NAALADL2: variants seen among roughly 807,000 people sequenced by gnomAD.
NAALADL2 encodes the protein N-acetylated alpha-linked acidic dipeptidase like 2.
In NAALADL2, 76 loss-of-function variants were observed where a neutral mutation model predicts 87.2. That is an observed-to-expected ratio of 0.87 (90% CI 0.72 to 1.05). NAALADL2 has a LOEUF of 1.05. NAALADL2 is among the 50% of genes least tolerant of loss of function. The pLI is 0.00. For missense variants in NAALADL2, 1,089 were observed against 945.8 expected, an observed-to-expected ratio of 1.15 and a Z score of -1.99; for synonymous variants, 354 against 331.0, an observed-to-expected ratio of 1.07 and a Z score of -0.75.
At chr3:174,775,922 A>C (rs1169873305) in intron 3 of NAALADL2, among the ~76,000 whole-genome samples, 1 of 152,166 alleles carries the variant, frequency 6.6e-6, no homozygotes, top group Non-Finnish European at 1.5e-5. Context: ...TGGCTAAAAT[A>C]AGCACCTCTG....
At chr3:174,877,655 G>A (rs1319472497) in intron 1 of NAALADL2, among the ~76,000 whole-genome samples, 1 of 152,124 alleles carries the variant, frequency 6.6e-6, no homozygotes, top group South Asian at 2.1e-4. Flanking sequence ...TAACTGTTAA[G>A]TGTCTATAGC....
intron 1 of NAALADL2, among the ~76,000 whole-genome samples, chr3:174,876,102 G>A (rs567651269): frequency 5.3e-5 from 8 of 151,850 alleles, no homozygotes; most frequent in Non-Finnish European, 7.4e-5. Flanking sequence ...TTCGTTTTAT[G>A]TGATCAGATG....
chr3:175,021,739 A>G (rs952142700), intron 1 of NAALADL2, among the ~76,000 whole-genome samples: 2 of 152,070 alleles, frequency 1.3e-5, no homozygotes, highest in Admixed American at 6.6e-5. Context: ...GAGTGTTTTT[A>G]TATTTTTGCA....
rs180945482 is a variant in NAALADL2, at chr3:175,388,264, A to C, written c.1091-58965A>C. ...AGTAGAGGCGCTAGCTAGCCACCTT[A>C]CTTTGGATGTATACATTTTTCAATA... On this transcript the variant is annotated intron_variant, in intron 5 of 13. Coordinates refer to ENST00000454872, the MANE Select transcript of NAALADL2 (RefSeq NM_207015.3). Among the ~76,000 whole-genome samples, 202 of 152,168 alleles carry C rather than the reference A, an allele frequency of 1.3e-3. 1 individual carries two copies. Among genetic ancestry groups the C allele is most frequent in the African/African-American group, 4.7e-3 (196 of 41,540 alleles).
At chr3:175,623,061 G>T (rs1406218807) in intron 10 of NAALADL2, among the ~76,000 whole-genome samples, 1 of 151,992 alleles carries the variant, frequency 6.6e-6, no homozygotes, top group Non-Finnish European at 1.5e-5. Flanking sequence ...AATTAAAACT[G>T]ACCTAAAAAG....
intron 3 of NAALADL2, among the ~76,000 whole-genome samples, chr3:175,247,287 C>CAT (rs145203266): frequency 0.064 from 9,633 of 150,962 alleles, 443 homozygotes; most frequent in African/African-American, 0.12. Context: ...CACACACACA[C>CAT]ATAAAACACA....
intron 10 of NAALADL2, among the ~76,000 whole-genome samples, chr3:175,614,145 G>A (rs553690269): frequency 6.6e-5 from 10 of 152,188 alleles, no homozygotes; most frequent in Non-Finnish European, 8.8e-5. Flanking sequence ...CTCCACCTCC[G>A]GGGTTCAAGC....
chr3:174,713,579 T>C (rs1730895569), intron 2 of NAALADL2, among the ~76,000 whole-genome samples: 1 of 152,164 alleles, frequency 6.6e-6, no homozygotes, highest in Non-Finnish European at 1.5e-5. Context: ...TTTTCATGTG[T>C]CTTTTGGCTG....
intron 9 of NAALADL2, among the ~76,000 whole-genome samples, chr3:175,511,089 G>T (rs1731089690): frequency 1.3e-5 from 2 of 152,140 alleles, no homozygotes; most frequent in Non-Finnish European, 2.9e-5. Context: ...CAATATCACA[G>T]ATGATAGTAA....
chr3:175,496,655 G>A (rs553116109), intron 9 of NAALADL2, among the ~76,000 whole-genome samples: 1 of 152,174 alleles, frequency 6.6e-6, no homozygotes, highest in African/African-American at 2.4e-5. Flanking sequence ...CCTAGGCTCA[G>A]GTGTCTCTCC....
rs185148659 is a variant in NAALADL2 at position 175,137,849 on chromosome 3, C to T, written c.545+40558C>T. Among the ~76,000 whole-genome samples, 46 of 152,136 alleles carry T rather than the reference C, an allele frequency of 3.0e-4. No homozygotes were observed. In the East Asian group the frequency reaches 7.7e-3, roughly 26 times the overall value. On this transcript the variant is annotated intron_variant, in intron 2 of 13. Transcript: ENST00000454872. ...AGGTTACCCAGGCTGATCTCGAACT[C>T]CTGACCTCAGATGATCCACCTGCCT...
chr3:175,326,081 A>G (rs1760672613), intron 5 of NAALADL2, among the ~76,000 whole-genome samples: 1 of 152,238 alleles, frequency 6.6e-6, no homozygotes, highest in Non-Finnish European at 1.5e-5. Flanking sequence ...GAAGCCATGT[A>G]GCACCTTGAA....
intron 12 of NAALADL2, among the ~76,000 whole-genome samples, chr3:175,751,142 G>T (rs1403755308): frequency 6.6e-6 from 1 of 151,948 alleles, no homozygotes; most frequent in Non-Finnish European, 1.5e-5. Context: ...TTTATTAATG[G>T]TTAGCGTTTC....
intron 2 of NAALADL2, among the ~76,000 whole-genome samples, chr3:174,593,907 C>T (rs1359942244): frequency 6.6e-6 from 1 of 152,112 alleles, no homozygotes; most frequent in African/African-American, 2.4e-5. Context: ...ATGAAAATTG[C>T]TACCAGATGC....
chr3:174,603,951 G>T (rs1292792333), intron 2 of NAALADL2, among the ~76,000 whole-genome samples: 2 of 152,090 alleles, frequency 1.3e-5, no homozygotes, highest in African/African-American at 2.4e-5. Flanking sequence ...CAGATTTTAT[G>T]AGTGTTTTAA....
chr3:175,361,801 C>T (rs1170633170), intron 5 of NAALADL2, among the ~76,000 whole-genome samples: 1 of 148,072 alleles, frequency 6.8e-6, no homozygotes, highest in Non-Finnish European at 1.5e-5. Context: ...TAAAAATGTT[C>T]TCCCATTCTG....
chr3:174,602,874 T>C (rs1443196743), intron 2 of NAALADL2, among the ~76,000 whole-genome samples: 1 of 152,138 alleles, frequency 6.6e-6, no homozygotes, highest in Non-Finnish European at 1.5e-5. Context: ...TCTGTATCAA[T>C]TGAAATGATC....
intron 13 of NAALADL2, among the ~76,000 whole-genome samples, chr3:175,760,731 G>A (rs1747890637): frequency 6.6e-6 from 1 of 152,096 alleles, no homozygotes; most frequent in African/African-American, 2.4e-5. Flanking sequence ...TGTCTGGAGA[G>A]GAGATCTCTG....
intron 3 of NAALADL2, among the ~76,000 whole-genome samples, chr3:174,820,360 G>A (rs1721283873): frequency 6.6e-6 from 1 of 152,044 alleles, no homozygotes; most frequent in East Asian, 1.9e-4. Context: ...GAATATGCAG[G>A]GTAATGGAGC....
Sources: allele counts gnomAD v4.1 joint callset (sites outside exome capture counted in the v4.1 genomes callset), GRCh38; gene constraint gnomAD v4.1.1; transcripts MANE v1.5; gene names NCBI Gene and HGNC (gene_info 2026-07-23, HGNC 2026-07-21).